ARIH1: variants seen among roughly 807,000 people sequenced by gnomAD.
ARIH1 encodes the protein E3 ubiquitin-protein ligase ARIH1.
Under a neutral mutation model 85.0 loss-of-function variants are expected in ARIH1, and 8 were observed. That is an observed-to-expected ratio of 0.09 (90% CI 0.06 to 0.17). The LOEUF (loss-of-function observed/expected upper bound fraction) is 0.17. Ranked by LOEUF, ARIH1 falls within the 10% of genes least tolerant of loss-of-function variation. The pLI, the probability that ARIH1 is intolerant of heterozygous loss-of-function variation, is 1.00. For missense variants in ARIH1, 311 were observed against 718.1 expected, an observed-to-expected ratio of 0.43 and a Z score of 6.48; for synonymous variants, 238 against 253.6, an observed-to-expected ratio of 0.94 and a Z score of 0.59.
chr15:72,552,305 T>C, intron 3 of ARIH1, among the ~76,000 whole-genome samples: 1 of 152,228 alleles, frequency 6.6e-6, no homozygotes, highest in East Asian at 1.9e-4. Context: ...TTTTGTTTTT[T>C]TAAGACGGAG....
At chr15:72,573,523 T>C (rs1180941896) in intron 11 of ARIH1, among the ~76,000 whole-genome samples, 1 of 152,136 alleles carries the variant, frequency 6.6e-6, no homozygotes, top group Non-Finnish European at 1.5e-5. Flanking sequence ...ATTTCACCAC[T>C]GTACTCCAGA....
chr15:72,494,581 G>A (rs753909851), intron 1 of ARIH1, among the ~76,000 whole-genome samples: 1 of 152,138 alleles, frequency 6.6e-6, no homozygotes, highest in Admixed American at 6.5e-5. Context: ...GCGTAGTGCT[G>A]TTGAGATGGA....
intron 2 of ARIH1, among the ~76,000 whole-genome samples, chr15:72,537,192 T>C (rs2064086149): frequency 6.6e-6 from 1 of 152,136 alleles, no homozygotes; most frequent in African/African-American, 2.4e-5. Flanking sequence ...TTAGATGGTT[T>C]TTGTTCTTTG....
At chr15:72,581,093 G>A (rs1271817501) in intron 12 of ARIH1, 102 bp downstream of exon 12, 4 of 1,204,688 alleles carry the variant, frequency 3.3e-6, no homozygotes, top group Non-Finnish European at 4.7e-6. Flanking sequence ...TGTTTGTTCA[G>A]AACATGTAGG....
At chr15:72,566,982 T>C in intron 8 of ARIH1, 124 bp from the exon 9 acceptor site, 1 of 674,240 alleles carries the variant, frequency 1.5e-6, no homozygotes, top group Non-Finnish European at 2.5e-6. Context: ...TAAGAGGATG[T>C]GAGCCTAGTG....
At position 72,599,011 on chromosome 15, in the gene ARIH1, T is replaced by A. The variant is rs2064373104; in HGVS notation, c.*15719T>A. 1 of 152,078 alleles carries A rather than the reference T, an allele frequency of 6.6e-6. No individual in the cohort carries two copies. Among genetic ancestry groups the A allele is most frequent in the African/African-American group, 2.4e-5 (1 of 41,392 alleles). The allele number at this position is 152,078 out of a possible 1,614,324, so 9.4% of individuals were successfully genotyped here. A position where few individuals can be genotyped will look rare whatever the true frequency, so the allele number is the denominator to read the frequency against. On this transcript the variant is annotated 3_prime_UTR_variant, in exon 14 of 14. Coordinates refer to ENST00000379887, the MANE Select transcript of ARIH1 (RefSeq NM_005744.5). ...AGGAATGGGAGTTTAAACAATGGTT[T>A]TATTTACATATTTCATTAGCTAGTA...
chr15:72,561,226 A>C (rs561235999), intron 5 of ARIH1, among the ~76,000 whole-genome samples: 22 of 152,340 alleles, frequency 1.4e-4, no homozygotes, highest in African/African-American at 5.3e-4. Flanking sequence ...CTGTAATAAA[A>C]ACTGGGTAAA....
In ARIH1 at chr15:72,585,858, C is replaced by G. The variant is rs1012624343; in HGVS notation, c.*2566C>G. On this transcript the variant is annotated 3_prime_UTR_variant, in exon 14 of 14. Transcript: ENST00000379887. ...TTATTAGTAGATTCAGTGCCCCCAGCTGGGATAGGCAAGCCATGACAGCTT... is the reference window on the plus strand; with the variant it reads ...TTATTAGTAGATTCAGTGCCCCCAGGTGGGATAGGCAAGCCATGACAGCTT... 7 of 152,164 alleles carry G rather than the reference C, an allele frequency of 4.6e-5. No homozygotes were observed. The highest frequency in any genetic ancestry group is 1.7e-4 in the African/African-American group (7 of 41,434). The allele number at this position is 152,164 out of a possible 1,614,324, so 9.4% of individuals were successfully genotyped here. A position where few individuals can be genotyped will look rare whatever the true frequency, so the allele number is the denominator to read the frequency against.
rs1253616959 is a variant in ARIH1, at chr15:72,596,415, G to A, written c.*13123G>A. The A allele has an allele frequency of 1.3e-5, 2 of 152,110 alleles. No individual in the cohort carries two copies. The highest frequency in any genetic ancestry group is 4.8e-5 in the African/African-American group (2 of 41,410). The allele number at this position is 152,110 out of a possible 1,614,324, so 9.4% of individuals were successfully genotyped here. On this transcript the variant is annotated 3_prime_UTR_variant, in exon 14 of 14. Coordinates refer to ENST00000379887, the MANE Select transcript of ARIH1 (RefSeq NM_005744.5). ...TATTTACTTTTCAGTAGATTGACTA[G>A]GGAATGTCTAGGTATGTTTTTCTTT...
intron 2 of ARIH1, among the ~76,000 whole-genome samples, chr15:72,537,067 G>A (rs771488563): frequency 5.9e-5 from 9 of 152,002 alleles, no homozygotes; most frequent in African/African-American, 1.4e-4. Flanking sequence ...ATAGCAAGCT[G>A]TTACAGATTT....
intron 2 of ARIH1, among the ~76,000 whole-genome samples, chr15:72,533,525 T>C (rs2064067554): frequency 6.6e-6 from 1 of 152,240 alleles, no homozygotes; most frequent in Non-Finnish European, 1.5e-5. Context: ...TTAGAATAAA[T>C]GTCTTTAGAA....
chr15:72,506,274 C>T (rs1290615438), intron 1 of ARIH1, among the ~76,000 whole-genome samples: 1 of 141,902 alleles, frequency 7.0e-6, no homozygotes, highest in African/African-American at 2.6e-5. Context: ...GGCGTGCACC[C>T]GGGAGGTGGA....
At chr15:72,477,865 G>C (rs915204616) in intron 1 of ARIH1, among the ~76,000 whole-genome samples, 4 of 151,970 alleles carry the variant, frequency 2.6e-5, no homozygotes, top group Admixed American at 1.3e-4. Flanking sequence ...TAGTGCAGTC[G>C]CGTGATCTCA....
At chr15:72,549,197 C>T (rs1327877958) in intron 3 of ARIH1, among the ~76,000 whole-genome samples, 1 of 151,528 alleles carries the variant, frequency 6.6e-6, no homozygotes, top group Non-Finnish European at 1.5e-5. Context: ...AAGCGATTCT[C>T]CTGCCTCAGC....
intron 2 of ARIH1, among the ~76,000 whole-genome samples, chr15:72,521,936 T>C (rs1038769493): frequency 3.3e-5 from 5 of 152,344 alleles, no homozygotes; most frequent in Admixed American, 3.3e-4. Flanking sequence ...GTACTCATCT[T>C]TGTTTTTGAC....
chr15:72,562,896 TAAAA>T (rs36009263), intron 6 of ARIH1, among the ~76,000 whole-genome samples: 2 of 141,942 alleles, frequency 1.4e-5, no homozygotes, highest in Non-Finnish European at 3.1e-5. Context: ...CAGTCATCTT[TAAAA>T]AAAAAAAAAA....
In ARIH1 at chr15:72,586,700, G is replaced by T. The variant is rs1275016457; in HGVS notation, c.*3408G>T. ...TGTTTCTTTGCAGGGAACTGTGAAT[G>T]AGCCCATTCCCCCAACATTTAACTT... On this transcript the variant is annotated 3_prime_UTR_variant, in exon 14 of 14. Transcript: ENST00000379887. 6 of 152,968 alleles carry T rather than the reference G, an allele frequency of 3.9e-5. No individual in the cohort carries two copies. The highest frequency in any genetic ancestry group is 1.4e-4 in the African/African-American group (6 of 41,414). 9.5% of individuals were successfully genotyped at this position (152,968 alleles called of 1,614,324 possible). A position where few individuals can be genotyped will look rare whatever the true frequency, so the allele number is the denominator to read the frequency against.
At chr15:72,526,631 C>T (rs992348655) in intron 2 of ARIH1, among the ~76,000 whole-genome samples, 7 of 151,964 alleles carry the variant, frequency 4.6e-5, no homozygotes, top group East Asian at 1.9e-4. Flanking sequence ...CCAGAGAGGC[C>T]GAGGTGGGTG....
At chr15:72,478,376 C>A (rs1342133768) in intron 1 of ARIH1, among the ~76,000 whole-genome samples, 1 of 152,132 alleles carries the variant, frequency 6.6e-6, no homozygotes, top group Non-Finnish European at 1.5e-5. Flanking sequence ...CTGGGCCTCC[C>A]AAAGTGCTGG....
Sources: allele counts gnomAD v4.1 joint callset (sites outside exome capture counted in the v4.1 genomes callset), GRCh38; gene constraint gnomAD v4.1.1; transcripts MANE v1.5; gene names NCBI Gene and HGNC (gene_info 2026-07-23, HGNC 2026-07-21).